The following CNTN4 variants were observed in gnomAD, a reference collection of about 807,000 sequenced individuals.
CNTN4 encodes the protein contactin-4.
Under a neutral mutation model 122.5 loss-of-function variants are expected in CNTN4, and 77 were observed. That is an observed-to-expected ratio of 0.63 (90% CI 0.52 to 0.76). The LOEUF (loss-of-function observed/expected upper bound fraction) is 0.76, where lower values mean the gene tolerates loss of function less well. CNTN4 is among the 30% of genes least tolerant of loss of function. The probability of loss-of-function intolerance (pLI) is 0.00; values close to 1 mark genes in which losing one functional copy is unlikely to be tolerated. For missense variants in CNTN4, 1,256 were observed against 1,259.1 expected, an observed-to-expected ratio of 1.00 and a Z score of 0.04; for synonymous variants, 512 against 447.0, an observed-to-expected ratio of 1.15 and a Z score of -1.83.
intron 12 of CNTN4, among the ~76,000 whole-genome samples, chr3:2,911,057 G>A (rs987072228): frequency 8.5e-5 from 13 of 152,162 alleles, no homozygotes; most frequent in African/African-American, 3.1e-4. Context: ...TTTCTTGCTG[G>A]GGAGGGAAAG....
chr3:2,275,319 A>G (rs1375645907), intron 2 of CNTN4, among the ~76,000 whole-genome samples: 5 of 152,178 alleles, frequency 3.3e-5, no homozygotes. Flanking sequence ...TTCCAATACC[A>G]CATGGAGAAT....
chr3:2,590,240 A>G (rs371424898), intron 4 of CNTN4, among the ~76,000 whole-genome samples: 16 of 152,152 alleles, frequency 1.1e-4, no homozygotes, highest in African/African-American at 3.9e-4. Context: ...CAAATCTATC[A>G]TATCACCTTT....
Position 2,736,249 on chromosome 3 carries a change from A to G in CNTN4, c.90A>G (p.Gln30=). ...DSTLHGPIFI[Q]EPSPVMFPLD... is the part of the protein sequence containing the mutation. ...CACTGCATGGCCCGATTTTTATTCA[A>G]GAACCAAGTCCTGTAATGTTCCCTT... Residue 30 remains glutamine (Q), a synonymous_variant, in exon 5 of 25, where the codon CAA becomes CAG. Coordinates refer to ENST00000418658, the MANE Select transcript of CNTN4 (RefSeq NM_175607.3). The G allele has an allele frequency of 1.9e-6, 3 of 1,613,778 alleles. No individual in the cohort carries two copies. The highest frequency in any genetic ancestry group is 2.5e-6 in the Non-Finnish European group (3 of 1,179,798).
intron 2 of CNTN4, among the ~76,000 whole-genome samples, chr3:2,249,617 G>A (rs1412981698): frequency 1.3e-5 from 2 of 151,912 alleles, no homozygotes; most frequent in Non-Finnish European, 2.9e-5. Context: ...AGTTGAAACA[G>A]CATAGGTTGG....
At chr3:3,020,525 C>T (rs1475568536) in intron 14 of CNTN4, among the ~76,000 whole-genome samples, 2 of 152,132 alleles carry the variant, frequency 1.3e-5, no homozygotes, top group Non-Finnish European at 2.9e-5. Flanking sequence ...AGACAGTAGG[C>T]TTTTTCCAGC....
chr3:2,850,530 AG>A (rs1465626716), intron 7 of CNTN4, among the ~76,000 whole-genome samples: 1 of 152,164 alleles, frequency 6.6e-6, no homozygotes, highest in Non-Finnish European at 1.5e-5. Context: ...CTTTACATGG[AG>A]GGACTTCAGC....
At chr3:2,774,101 A>G (rs2091216826) in intron 6 of CNTN4, among the ~76,000 whole-genome samples, 1 of 151,950 alleles carries the variant, frequency 6.6e-6, no homozygotes, top group South Asian at 2.1e-4. Context: ...ATTAGTCCAG[A>G]AAAGATAGAT....
rs544126945 is a variant in CNTN4, at chr3:2,284,277, A to G, written c.-144-54901A>G. ...AGTTAAGAATAGGAAATAAGCTTTTACTTTTTAACTGTGCTGCAAGGATGC... is the reference window on the plus strand; with the variant it reads ...AGTTAAGAATAGGAAATAAGCTTTTGCTTTTTAACTGTGCTGCAAGGATGC... On this transcript the variant is annotated intron_variant, in intron 2 of 24. Transcript: ENST00000418658. Among the ~76,000 whole-genome samples, 95 of 152,256 alleles carry G rather than the reference A, an allele frequency of 6.2e-4. 1 individual carries two copies. The highest frequency in any genetic ancestry group is 2.1e-3 in the African/African-American group (88 of 41,586).
At chr3:2,710,154 C>G (rs1414782650) in intron 4 of CNTN4, among the ~76,000 whole-genome samples, 1 of 152,176 alleles carries the variant, frequency 6.6e-6, no homozygotes, top group Non-Finnish European at 1.5e-5. Flanking sequence ...CGGGGCATCA[C>G]TTTACATGTG....
chr3:3,027,528 A>G (rs190039808), intron 15 of CNTN4, among the ~76,000 whole-genome samples: 1 of 152,340 alleles, frequency 6.6e-6, no homozygotes, highest in African/African-American at 2.4e-5. Context: ...AGGAAAGTAC[A>G]TAGCCCAATG....
At chr3:2,879,224 A>G (rs143877165) in intron 8 of CNTN4, among the ~76,000 whole-genome samples, 2,462 of 152,318 alleles carry the variant, frequency 0.016, 23 homozygotes, top group Non-Finnish European at 0.027. Context: ...TCACGTGACA[A>G]CCGAGGCAGA....
chr3:2,436,398 C>G (rs1170752234), intron 3 of CNTN4, among the ~76,000 whole-genome samples: 2 of 152,092 alleles, frequency 1.3e-5, no homozygotes, highest in Admixed American at 1.3e-4. Flanking sequence ...TTCTGAAGGA[C>G]TCAGCAACTG....
Position 2,486,441 on chromosome 3 carries a change from T to C in CNTN4, c.-88-84975T>C, listed in dbSNP as rs372714189. Among the ~76,000 whole-genome samples the C allele has an allele frequency of 2.6e-5, 4 of 152,272 alleles. No homozygotes were observed. The East Asian group carries it at 5.8e-4, about 22-fold the overall frequency. On this transcript the variant is annotated intron_variant, in intron 3 of 24. Transcript: ENST00000418658. ...TCTGACTAGAACATTATGATCAAAA[T>C]AGTGAAATGTTTGGATTTTTGAATG... is the stretch of plus-strand genomic sequence containing the variant.
At chr3:2,375,395 A>G (rs1263578805) in intron 3 of CNTN4, among the ~76,000 whole-genome samples, 2 of 152,266 alleles carry the variant, frequency 1.3e-5, no homozygotes, top group Middle Eastern at 3.4e-3. Flanking sequence ...CTAAAACTGA[A>G]GGAGATGGGT....
chr3:2,180,073 A>C (rs985619035), intron 2 of CNTN4, among the ~76,000 whole-genome samples: 1 of 151,952 alleles, frequency 6.6e-6, no homozygotes, highest in African/African-American at 2.4e-5. Context: ...GATGGTGCAT[A>C]TATGTTGATT....
intron 2 of CNTN4, among the ~76,000 whole-genome samples, chr3:2,288,940 A>T (rs919402498): frequency 1.3e-5 from 2 of 152,200 alleles, no homozygotes; most frequent in African/African-American, 4.8e-5. Flanking sequence ...AAGGCATTTT[A>T]TATGAGTATT....
intron 12 of CNTN4, among the ~76,000 whole-genome samples, chr3:2,923,613 A>G (rs971416137): frequency 6.6e-5 from 10 of 152,154 alleles, no homozygotes; most frequent in East Asian, 1.9e-4. Flanking sequence ...GGGAGTGCTT[A>G]TTGCGTAATT....
intron 4 of CNTN4, among the ~76,000 whole-genome samples, chr3:2,669,930 T>C (rs2150364714): frequency 6.6e-6 from 1 of 152,376 alleles, no homozygotes; most frequent in East Asian, 1.9e-4. Context: ...TCCTGAGTTC[T>C]AGTTTGATTG....
intron 2 of CNTN4, among the ~76,000 whole-genome samples, chr3:2,107,977 A>T (rs757277167): frequency 1.3e-5 from 2 of 152,088 alleles, no homozygotes; most frequent in African/African-American, 2.4e-5. Flanking sequence ...CTCCTTACAG[A>T]GTTATGGAAG....
Sources: allele counts gnomAD v4.1 joint callset (sites outside exome capture counted in the v4.1 genomes callset), GRCh38; gene constraint gnomAD v4.1.1; transcripts MANE v1.5; gene names NCBI Gene and HGNC (gene_info 2026-07-23, HGNC 2026-07-21).